The following SP5 variants were observed in gnomAD, a reference collection of about 807,000 sequenced individuals.
SP5 encodes Sp5 transcription factor, also known as transcription factor Sp5.
A neutral mutation model predicts 27.4 loss-of-function variants in SP5; 12 were observed. That is an observed-to-expected ratio of 0.44 (90% CI 0.28 to 0.71). The LOEUF is 0.71. SP5 is among the 30% of genes least tolerant of loss of function. The pLI is 0.15. For missense variants in SP5, 660 were observed against 589.8 expected (o/e 1.12, Z -1.23); for synonymous variants, 330 against 290.7 (o/e 1.14, Z -1.38).
chr2:170,715,467 G>A lies in SP5; in HGVS notation c.-46G>A. 6.5e-7 allele frequency: 1 copy of A among 1,540,752 alleles called. No individual in the cohort carries two copies. Among genetic ancestry groups the A allele is most frequent in the Non-Finnish European group, 8.7e-7 (1 of 1,144,014 alleles). ...CCTCGCCTTCGGGTGTCCATGCCTC[G>A]GCGGCGGCGTCCCGCTCCGCAGCCA... is the stretch of plus-strand genomic sequence containing the variant. On this transcript the variant is annotated 5_prime_UTR_variant, in exon 1 of 2. Transcript: ENST00000375281.
rs888622458 is a variant in SP5, at chr2:170,716,016, G to A, written c.52-243G>A. 10 of 1,371,734 alleles carry A rather than the reference G, an allele frequency of 7.3e-6. No homozygotes were observed. The African/African-American group carries it at 7.7e-5, about 11-fold the overall frequency. 85.0% of individuals were successfully genotyped at this position (1,371,734 alleles called of 1,614,324 possible). A position where few individuals can be genotyped will look rare whatever the true frequency, so the allele number is the denominator to read the frequency against. The stretch of plus-strand genomic sequence containing the variant: ...CCTGCTTCCTCTAAGGCTGGATGGC[G>A]TCTCAGTGCACCAAGTAGTTTAGCA... On this transcript the variant is annotated intron_variant, in intron 1 of 1. Coordinates refer to ENST00000375281, the MANE Select transcript of SP5 (RefSeq NM_001003845.3).
In SP5 at chr2:170,717,538, A is replaced by G; in HGVS notation, c.*134A>G. The G allele has an allele frequency of 2.4e-6, 3 of 1,227,608 alleles. No individual in the cohort carries two copies. Among genetic ancestry groups the G allele is most frequent in the South Asian group, 2.9e-5 (2 of 69,912 alleles). The allele number at this position is 1,227,608 out of a possible 1,614,324, so 76.0% of individuals were successfully genotyped here. A position where few individuals can be genotyped will look rare whatever the true frequency, so the allele number is the denominator to read the frequency against. ...CTCCCAAAATGGAGCCAGGCTTCCA[A>G]CTTCCGCTGCCTTCGGACATAGGGA... is the stretch of plus-strand genomic sequence containing the variant. On this transcript the variant is annotated 3_prime_UTR_variant, in exon 2 of 2. Transcript: ENST00000375281.
rs1273148904 is a variant in SP5, at chr2:170,716,988, A to G, written c.781A>G (p.Lys261Glu). 3.9e-6 allele frequency: 6 copies of G among 1,547,710 alleles called. No homozygotes were observed. The highest frequency in any genetic ancestry group is 5.2e-6 in the Non-Finnish European group (6 of 1,146,396). The change falls in exon 2 of 2, where the codon AAG becomes GAG. Residue 261 changes from lysine (K) to glutamate (E), a missense_variant. Transcript: ENST00000375281. ...QSQIAALLQTKAPLAATARRC... is the reference protein window; with the variant it reads ...QSQIAALLQTEAPLAATARRC... The stretch of plus-strand genomic sequence containing the variant: ...CCAGATCGCCGCGCTGCTGCAGACC[A>G]AGGCCCCCCTGGCGGCCACGGCCAG...
rs998832891 is a variant in SP5, at chr2:170,715,417, G to A, written c.-96G>A. On this transcript the variant is annotated 5_prime_UTR_variant, in exon 1 of 2. Coordinates refer to ENST00000375281, the MANE Select transcript of SP5 (RefSeq NM_001003845.3). ...CCCCGGCGCTCAGAGCAGGCGCCAGGGAGGCAGGCTGGGCGGCCCTTCGTC... is the reference window on the plus strand; with the variant it reads ...CCCCGGCGCTCAGAGCAGGCGCCAGAGAGGCAGGCTGGGCGGCCCTTCGTC... 1 of 1,489,924 alleles carries A rather than the reference G, an allele frequency of 6.7e-7. No individual in the cohort carries two copies. The highest frequency in any genetic ancestry group is 9.0e-7 in the Non-Finnish European group (1 of 1,116,626). The allele number at this position is 1,489,924 out of a possible 1,614,324, so 92.3% of individuals were successfully genotyped here. A position where few individuals can be genotyped will look rare whatever the true frequency, so the allele number is the denominator to read the frequency against.
In SP5 at chr2:170,717,254, T is replaced by C; in HGVS notation, c.1047T>C (p.Thr349=). Reference sequence around the variant, plus strand: ...ACGAGCTGCAGCGGCACCTGCGGACTCACACGGGCGAGAAGCGCTTTGCCT... The same window carrying C: ...ACGAGCTGCAGCGGCACCTGCGGACCCACACGGGCGAGAAGCGCTTTGCCT... ...RSDELQRHLR[T]HTGEKRFACP... The change falls in exon 2 of 2, where the codon ACT becomes ACC. Residue 349 remains threonine, a synonymous_variant. Transcript: ENST00000375281. The C allele has an allele frequency of 1.2e-6, 2 of 1,610,084 alleles. No homozygotes were observed. The highest frequency in any genetic ancestry group is 1.7e-6 in the Non-Finnish European group (2 of 1,179,532).
In SP5 at chr2:170,717,918, A is replaced by G. The variant is rs1700103548; in HGVS notation, c.*514A>G. The stretch of plus-strand genomic sequence containing the variant: ...GAGCTACAGCATGATATGTCTCTGT[A>G]AAGTGATCAGCAGTTGCAGCGTGAA... On this transcript the variant is annotated 3_prime_UTR_variant, in exon 2 of 2. Transcript: ENST00000375281. 6.5e-6 allele frequency: 1 copy of G among 154,178 alleles called. No individual in the cohort carries two copies. The highest frequency in any genetic ancestry group is 1.4e-5 in the Non-Finnish European group (1 of 69,372). 9.6% of individuals were successfully genotyped at this position (154,178 alleles called of 1,614,324 possible). A position where few individuals can be genotyped will look rare whatever the true frequency, so the allele number is the denominator to read the frequency against.
chr2:170,717,556 C>T lies in SP5; in HGVS notation c.*152C>T, dbSNP rs1700097927. 11 of 1,032,616 alleles carry T rather than the reference C, an allele frequency of 1.1e-5. No individual in the cohort carries two copies. The highest frequency in any genetic ancestry group is 1.5e-5 in the Non-Finnish European group (11 of 723,194). The allele number at this position is 1,032,616 out of a possible 1,614,324, so 64.0% of individuals were successfully genotyped here. A position where few individuals can be genotyped will look rare whatever the true frequency, so the allele number is the denominator to read the frequency against. On this transcript the variant is annotated 3_prime_UTR_variant, in exon 2 of 2. Transcript: ENST00000375281. ...GCTTCCAACTTCCGCTGCCTTCGGA[C>T]ATAGGGACCCAGTTCCCAGGAGCGG...
rs889592296 is a variant in SP5, at chr2:170,716,838, G to A, written c.631G>A (p.Gly211Ser). The A allele has an allele frequency of 1.4e-6, 2 of 1,422,084 alleles. No individual in the cohort carries two copies. The highest frequency in any genetic ancestry group is 9.1e-7 in the Non-Finnish European group (1 of 1,093,090). 88.1% of individuals were successfully genotyped at this position (1,422,084 alleles called of 1,614,324 possible). A position where few individuals can be genotyped will look rare whatever the true frequency, so the allele number is the denominator to read the frequency against. The part of the protein sequence containing the change: ...ASGVPGSGLS[G>S]ACAGAPHAPR... ...CGGGGTTCCGGGAAGCGGCCTCTCC[G>A]GCGCCTGTGCCGGGGCCCCCCACGC... The change falls in exon 2 of 2, where the codon GGC becomes AGC. Residue 211 changes from glycine (G) to serine (S), a missense_variant. Transcript: ENST00000375281.
At chr2:170,715,971 C>A in intron 1 of SP5, 1 of 1,348,516 alleles carries the variant, frequency 7.4e-7, no homozygotes, top group Non-Finnish European at 9.5e-7. Flanking sequence ...CCGTCGGATG[C>A]CTCCCCCTCC....
chr2:170,715,500 G>A lies in SP5; in HGVS notation c.-13G>A. ...CGTCCCGCTCCGCAGCCAGGGGCCT[G>A]CAAGCCGTAGCCATGGCCGCGGTGG... is the stretch of plus-strand genomic sequence containing the variant. On this transcript the variant is annotated 5_prime_UTR_variant, in exon 1 of 2. Coordinates refer to ENST00000375281, the MANE Select transcript of SP5 (RefSeq NM_001003845.3). The A allele has an allele frequency of 6.5e-7, 1 of 1,549,734 alleles. No individual in the cohort carries two copies. The highest frequency in any genetic ancestry group is 8.7e-7 in the Non-Finnish European group (1 of 1,147,284).
Position 170,716,888 on chromosome 2 carries a change from C to A in SP5, c.681C>A (p.Ala227=). The A allele has an allele frequency of 6.6e-7, 1 of 1,505,754 alleles. No individual in the cohort carries two copies. Among genetic ancestry groups the A allele is most frequent in the Non-Finnish European group, 8.9e-7 (1 of 1,129,556 alleles). The allele number at this position is 1,505,754 out of a possible 1,614,324, so 93.3% of individuals were successfully genotyped here. A position where few individuals can be genotyped will look rare whatever the true frequency, so the allele number is the denominator to read the frequency against. The change falls in exon 2 of 2, where the codon GCC becomes GCA. Residue 227 remains alanine (A), a synonymous_variant. Transcript: ENST00000375281. ...CGCCCCGCTTCCCCGCCTCTGCGGC[C>A]GCTGCTGCTGCGGCCGCCGCCGCCC... The part of the protein sequence containing the change: ...PHAPRFPASA[A]AAAAAAAALQ...
chr2:170,716,459 A>T lies in SP5; in HGVS notation c.252A>T (p.Ala84=). The change falls in exon 2 of 2, where the codon GCA becomes GCT. Residue 84 remains alanine (A), a synonymous_variant. Coordinates refer to ENST00000375281, the MANE Select transcript of SP5 (RefSeq NM_001003845.3). ...ACATGCCGGCGCACTCGCCAGGCGC[A>T]CTGCCGCCCCCGCATCCCAGCTTGG... ...TADMPAHSPG[A]LPPPHPSLGL... 6.2e-7 allele frequency: 1 copy of T among 1,606,158 alleles called. No homozygotes were observed. The highest frequency in any genetic ancestry group is 8.5e-7 in the Non-Finnish European group (1 of 1,178,994).
In SP5 at chr2:170,716,769, C is replaced by G; in HGVS notation, c.562C>G (p.Pro188Ala). The change falls in exon 2 of 2, where the codon CCG becomes GCG. Residue 188 changes from proline (P) to alanine (A), a missense_variant. Transcript: ENST00000375281. ...LSPNPAPDDL[P>A]WWSIPQAGAG... ...ACCCAACCCGGCCCCCGACGACCTC[C>G]CGTGGTGGAGCATCCCGCAGGCGGG... The G allele has an allele frequency of 6.9e-7, 1 of 1,449,956 alleles. No individual in the cohort carries two copies. Among genetic ancestry groups the G allele is most frequent in the South Asian group, 1.4e-5 (1 of 71,376 alleles). The allele number at this position is 1,449,956 out of a possible 1,614,324, so 89.8% of individuals were successfully genotyped here.
At chr2:170,716,191 C>G in intron 1 of SP5, 68 bp from the exon 2 acceptor site, 1 of 1,519,256 alleles carries the variant, frequency 6.6e-7, no homozygotes, top group Admixed American at 2.2e-5. Flanking sequence ...GGGCGGCGGG[C>G]TGGCCCGGAG....
At position 170,717,320 on chromosome 2, in the gene SP5, C is replaced by G. The variant is rs774017092; in HGVS notation, c.1113C>G (p.Leu371=). Residue 371 remains leucine, a synonymous_variant, in exon 2 of 2, where the codon CTC becomes CTG. Transcript: ENST00000375281. Reference sequence around the variant, plus strand: ...AGCGCTTCATGCGCAGCGACCACCTCGCGAAGCACGTCAAGACTCACCAGA... The same window carrying G: ...AGCGCTTCATGCGCAGCGACCACCTGGCGAAGCACGTCAAGACTCACCAGA... ...CGKRFMRSDH[L]AKHVKTHQNK... is the part of the protein sequence containing the mutation. 2 of 1,610,258 alleles carry G rather than the reference C, an allele frequency of 1.2e-6. No homozygotes were observed. The highest frequency in any genetic ancestry group is 1.1e-5 in the South Asian group (1 of 91,070).
At position 170,717,958 on chromosome 2, in the gene SP5, C is replaced by T. The variant is rs1407649598; in HGVS notation, c.*554C>T. 6.5e-6 allele frequency: 1 copy of T among 152,902 alleles called. No individual in the cohort carries two copies. The highest frequency in any genetic ancestry group is 1.5e-5 in the Non-Finnish European group (1 of 68,546). The allele number at this position is 152,902 out of a possible 1,614,324, so 9.5% of individuals were successfully genotyped here. On this transcript the variant is annotated 3_prime_UTR_variant, in exon 2 of 2. Coordinates refer to ENST00000375281, the MANE Select transcript of SP5 (RefSeq NM_001003845.3). ...TGCAGCGTGAAAATAAATACTTTAA[C>T]TCAGGGGTCACTACAGGAAGACCCC...
At chr2:170,715,633 C>A in intron 1 of SP5, 70 bp downstream of exon 1, 1 of 1,509,102 alleles carries the variant, frequency 6.6e-7, no homozygotes, top group Non-Finnish European at 8.9e-7. Context: ...CCTGGTACTC[C>A]GTGCACCTTG....
Position 170,716,357 on chromosome 2 carries a change from GC to G in SP5, c.155del (p.Pro52ArgfsTer43). The G allele has an allele frequency of 6.3e-7, 1 of 1,595,984 alleles. No homozygotes were observed. On this transcript the variant is annotated frameshift_variant, in exon 2 of 2. Coordinates refer to ENST00000375281, the MANE Select transcript of SP5 (RefSeq NM_001003845.3). LOFTEE classifies it high-confidence loss of function. ...GCATCGGCCAGCCGGGCGCGGCGGC[GC>G]CCCCGGACTTCCTGCAGGTGCCCTA... ...SRIGQPGAAA[P>X]PDFLQVPYDP...
chr2:170,716,298 T>C lies in SP5; in HGVS notation c.91T>C (p.Ser31Pro), dbSNP rs1352071156. The C allele has an allele frequency of 6.3e-7, 1 of 1,595,732 alleles. No homozygotes were observed. Among genetic ancestry groups the C allele is most frequent in the Non-Finnish European group, 8.5e-7 (1 of 1,179,152 alleles). Reference sequence around the variant, plus strand: ...CGCCTCCCCGGACCTGGGCAAGCACTCGCCCCTGGCATTGCTGGCCGCCAC... The same window carrying C: ...CGCCTCCCCGGACCTGGGCAAGCACCCGCCCCTGGCATTGCTGGCCGCCAC... ...PSASPDLGKH[S>P]PLALLAATCS... Residue 31 changes from serine (S) to proline (P), a missense_variant, in exon 2 of 2, where the codon TCG becomes CCG. Ser to Pro is a moderately conservative substitution (Grantham distance 74, BLOSUM62 -1). Transcript: ENST00000375281.
Sources: gnomAD v4.1 joint callset for allele counts on GRCh38, gnomAD v4.1.1 for gene constraint, MANE v1.5 for transcripts, NCBI Gene and HGNC (gene_info 2026-07-23, HGNC 2026-07-21) for gene names.